The following PRKCD variants were observed in gnomAD, a reference collection of about 807,000 sequenced individuals.
The protein encoded by PRKCD is protein kinase C delta.
Under a neutral mutation model 82.2 loss-of-function variants are expected in PRKCD, and 20 were observed. That is an observed-to-expected ratio of 0.24 (90% CI 0.17 to 0.35). PRKCD has a LOEUF of 0.35. Ranked by LOEUF, PRKCD falls within the 10% of genes least tolerant of loss-of-function variation. The pLI, the probability that PRKCD is intolerant of heterozygous loss-of-function variation, is 1.00. For missense variants in PRKCD, 607 were observed against 899.0 expected, an observed-to-expected ratio of 0.68 and a Z score of 4.15; for synonymous variants, 317 against 337.0, an observed-to-expected ratio of 0.94 and a Z score of 0.65.
In PRKCD at chr3:53,165,175, G is replaced by A. The variant is rs1260064452; in HGVS notation, c.-60G>A. 2 of 152,536 alleles carry A rather than the reference G, an allele frequency of 1.3e-5. No homozygotes were observed. Among genetic ancestry groups the A allele is most frequent in the African/African-American group, 4.8e-5 (2 of 41,546 alleles). The allele number at this position is 152,536 out of a possible 1,614,324, so 9.4% of individuals were successfully genotyped here. On this transcript the variant is annotated 5_prime_UTR_variant, in exon 2 of 19. Coordinates refer to ENST00000330452, the MANE Select transcript of PRKCD (RefSeq NM_006254.4). ...GTGGTTGGTGCGTTGTAGCAGCAGC[G>A]GGAGCCAGGACTAAGGACAAGCAGG...
In PRKCD at chr3:53,192,711, G is replaced by A. The variant is rs1703974191; in HGVS notation, c.*445G>A. On this transcript the variant is annotated 3_prime_UTR_variant, in exon 19 of 19. Coordinates refer to ENST00000330452, the MANE Select transcript of PRKCD (RefSeq NM_006254.4). Reference sequence around the variant, plus strand: ...TGTGTGTCTAAATAAACACCAAATAGTACCAACCTGGTTGTCAGGACACGT... The same window carrying A: ...TGTGTGTCTAAATAAACACCAAATAATACCAACCTGGTTGTCAGGACACGT... 6.6e-6 allele frequency: 1 copy of A among 151,038 alleles called. No homozygotes were observed. Among genetic ancestry groups the A allele is most frequent in the Non-Finnish European group, 1.5e-5 (1 of 67,860 alleles). The allele number at this position is 151,038 out of a possible 1,614,324, so 9.4% of individuals were successfully genotyped here.
chr3:53,162,698 G>A (rs1270815402), intron 1 of PRKCD, among the ~76,000 whole-genome samples: 3 of 20,488 alleles, frequency 1.5e-4, no homozygotes, highest in African/African-American at 1.8e-4. Context: ...CCAGACTCGT[G>A]TGTGTGTGTG....
intron 7 of PRKCD, among the ~76,000 whole-genome samples, chr3:53,182,199 C>T (rs2107264914): frequency 6.6e-6 from 1 of 152,280 alleles, no homozygotes; most frequent in East Asian, 1.9e-4. Flanking sequence ...TGAATCCCAG[C>T]TCTACCACTT....
chr3:53,175,041 G>A (rs1553665614), intron 2 of PRKCD, among the ~76,000 whole-genome samples: 1 of 152,204 alleles, frequency 6.6e-6, no homozygotes, highest in Non-Finnish European at 1.5e-5. Context: ...CAGTCCTGGG[G>A]TGGTCCCCAC....
chr3:53,179,846 G>A, intron 4 of PRKCD, 70 bp downstream of exon 4: 1 of 1,530,738 alleles, frequency 6.5e-7, no homozygotes, highest in Non-Finnish European at 8.8e-7. Context: ...GCGTGCATGT[G>A]TGTGCGTGCA....
At chr3:53,170,833 G>C (rs558159605) in intron 2 of PRKCD, among the ~76,000 whole-genome samples, 10 of 152,308 alleles carry the variant, frequency 6.6e-5, no homozygotes, top group South Asian at 2.1e-4. Context: ...GTACATCACA[G>C]CTTGTGGCAC....
intron 2 of PRKCD, among the ~76,000 whole-genome samples, chr3:53,166,857 G>A (rs35593073): frequency 0.023 from 3,432 of 152,386 alleles, 52 homozygotes; most frequent in South Asian, 0.04. Flanking sequence ...ACCAGGGATT[G>A]GCATGGGAGA....
At position 53,169,382 on chromosome 3, in the gene PRKCD, G is replaced by A. The variant is rs547812615; in HGVS notation, c.-20+4167G>A. On this transcript the variant is annotated intron_variant, in intron 2 of 18. Transcript: ENST00000330452. This position sits in a 1 kb window ranked among gnomAD's most constrained non-coding sequence, Gnocchi z 4.7. ...CCTTCTAAGGGGTGGGGGAGCATTT[G>A]AGAGGCCCACGAACAGGACTGGGAT... Among the ~76,000 whole-genome samples the A allele has an allele frequency of 6.6e-6, 1 of 152,162 alleles. No homozygotes were observed. Among genetic ancestry groups the A allele is most frequent in the African/African-American group, 2.4e-5 (1 of 41,430 alleles).
At chr3:53,177,356 C>T (rs1213029692) in intron 2 of PRKCD, among the ~76,000 whole-genome samples, 1 of 152,106 alleles carries the variant, frequency 6.6e-6, no homozygotes, top group East Asian at 1.9e-4. Context: ...GAGAGGCACT[C>T]GACCCCAAGG....
rs145324216 is a variant in PRKCD, at chr3:53,184,926, C to T, written c.840C>T (p.Cys280=). The T allele has an allele frequency of 7.0e-5, 113 of 1,613,862 alleles. No homozygotes were observed. Among genetic ancestry groups the T allele is most frequent in the Non-Finnish European group, 8.9e-5 (105 of 1,179,908 alleles). Residue 280 remains cysteine, a synonymous_variant, in exon 10 of 19, where the codon TGC becomes TGT. Coordinates refer to ENST00000330452, the MANE Select transcript of PRKCD (RefSeq NM_006254.4). ...GCCGGGAGAAGGTGGCCAACCTCTG[C>T]GGCATCAACCAGAAGCTTTTGGCTG... ...HKCREKVANL[C]GINQKLLAEA...
chr3:53,175,345 C>T (rs532275575), intron 2 of PRKCD, among the ~76,000 whole-genome samples: 26 of 152,234 alleles, frequency 1.7e-4, no homozygotes, highest in African/African-American at 5.3e-4. Context: ...GGATGGGTGC[C>T]GCAGTGAGGG....
intron 2 of PRKCD, 25 bp from the exon 3 acceptor site, chr3:53,178,376 GCCT>G: frequency 6.5e-7 from 1 of 1,533,582 alleles, no homozygotes; most frequent in South Asian, 1.1e-5. Flanking sequence ...CCGCCCGGCC[GCCT>G]GGCCTCACCC....
At chr3:53,186,783 C>A in intron 14 of PRKCD, 88 bp downstream of exon 14, 1 of 1,339,994 alleles carries the variant, frequency 7.5e-7, no homozygotes, top group South Asian at 1.3e-5. Context: ...TCCATGCCTT[C>A]TTCCCTCTCC....
In PRKCD at chr3:53,184,965, A is replaced by G. The variant is rs1553668662; in HGVS notation, c.879A>G (p.Gln293=). 6.2e-7 allele frequency: 1 copy of G among 1,613,940 alleles called. No homozygotes were observed. Among genetic ancestry groups the G allele is most frequent in the East Asian group, 2.2e-5 (1 of 44,880 alleles). ...NQKLLAEALN[Q]VTQRASRRSD... is the part of the protein sequence containing the mutation. ...AGCTTTTGGCTGAGGCCTTGAACCA[A>G]GTCACCCAGGTGGGCAGGTGCCATG... The change falls in exon 10 of 19, where the codon CAA becomes CAG. Residue 293 remains glutamine (Q), a synonymous_variant. Transcript: ENST00000330452.
chr3:53,164,937 G>A (rs1702786844), intron 1 of PRKCD, among the ~76,000 whole-genome samples, 167 bp from the exon 2 acceptor site: 1 of 152,084 alleles, frequency 6.6e-6, no homozygotes, highest in Admixed American at 6.5e-5. Flanking sequence ...AGGAAAAGTT[G>A]GGCCCAACAC....
chr3:53,178,678 A>G lies in PRKCD; in HGVS notation c.115+141A>G, dbSNP rs1223542655. The G allele has an allele frequency of 1.6e-5, 11 of 706,258 alleles. No homozygotes were observed. In the African/African-American group the frequency reaches 1.6e-4, roughly 10 times the overall value. 43.7% of individuals were successfully genotyped at this position (706,258 alleles called of 1,614,324 possible). On this transcript the variant is annotated intron_variant, in intron 3 of 18. Coordinates refer to ENST00000330452, the MANE Select transcript of PRKCD (RefSeq NM_006254.4). ...CCTTGACTCCCTGCCCCACTCAGCTATGAAGGCAGAGGCCACTGAGTCGCT... is the reference window on the plus strand; with the variant it reads ...CCTTGACTCCCTGCCCCACTCAGCTGTGAAGGCAGAGGCCACTGAGTCGCT...
chr3:53,179,379 A>T, intron 3 of PRKCD, 198 bp from the exon 4 acceptor site: 1 of 735,168 alleles, frequency 1.4e-6, no homozygotes, highest in South Asian at 1.4e-5. Context: ...GGAAGAGGGA[A>T]CAGCAGGAAC....
At chr3:53,171,075 T>A (rs1232417361) in intron 2 of PRKCD, among the ~76,000 whole-genome samples, 1 of 152,150 alleles carries the variant, frequency 6.6e-6, no homozygotes, top group African/African-American at 2.4e-5. Context: ...TTGGCGAGTG[T>A]GCCTGTGTGC....
At chr3:53,188,992 G>A (rs1353837200) in intron 16 of PRKCD, 66 bp from the exon 17 acceptor site, 17 of 1,571,064 alleles carry the variant, frequency 1.1e-5, no homozygotes, top group Non-Finnish European at 1.5e-5. Flanking sequence ...TAGGCTTCGT[G>A]CCCAGGGGCC....
Sources: allele counts gnomAD v4.1 joint callset (sites outside exome capture counted in the v4.1 genomes callset), GRCh38; gene constraint gnomAD v4.1.1; non-coding constraint Gnocchi (gnomAD v3.1); transcripts MANE v1.5; gene names NCBI Gene and HGNC (gene_info 2026-07-23, HGNC 2026-07-21).